ZNF804B: variants seen among roughly 807,000 people sequenced by gnomAD.
ZNF804B encodes zinc finger protein 804B.
A neutral mutation model predicts 101.4 loss-of-function variants in ZNF804B; 80 were observed. The observed-to-expected ratio is 0.79, with a 90% CI of 0.66 to 0.95. ZNF804B has a LOEUF of 0.95. Among genes scored for constraint, ZNF804B ranks in the 40% least tolerant of loss-of-function variants. The pLI is 0.00. For missense variants in ZNF804B, 1,673 were observed against 1,561.9 expected (o/e 1.07, Z -1.20); for synonymous variants, 622 against 558.8 (o/e 1.11, Z -1.59).
At position 89,145,210 on chromosome 7, in the gene ZNF804B, C is replaced by T. The variant is rs371367012; in HGVS notation, c.109-72945C>T. ...AATATAATTTTAATAAATCAAATTA[C>T]ACTTAATTATATATTTAATAGTTTA... On this transcript the variant is annotated intron_variant, in intron 1 of 3. Transcript: ENST00000333190. Among the ~76,000 whole-genome samples the T allele has an allele frequency of 4.3e-4, 66 of 151,970 alleles. No individual in the cohort carries two copies. In the East Asian group the frequency reaches 7.7e-3, roughly 18 times the overall value.
chr7:88,833,520 C>A (rs563678088), intron 1 of ZNF804B, among the ~76,000 whole-genome samples: 1 of 148,900 alleles, frequency 6.7e-6, no homozygotes, highest in Admixed American at 6.8e-5. Context: ...ACTTGGCCCT[C>A]AATAAATTTT....
At chr7:88,978,569 C>T (rs1201894784) in intron 1 of ZNF804B, among the ~76,000 whole-genome samples, 1 of 151,282 alleles carries the variant, frequency 6.6e-6, no homozygotes, top group Non-Finnish European at 1.5e-5. Flanking sequence ...ATCTTTTTCC[C>T]TCCCTTTATT....
At chr7:88,953,523 G>T (rs927151505) in intron 1 of ZNF804B, among the ~76,000 whole-genome samples, 2 of 151,812 alleles carry the variant, frequency 1.3e-5, no homozygotes, top group African/African-American at 4.8e-5. Context: ...CAACCTCCGA[G>T]CACTGTGATA....
In ZNF804B at chr7:89,180,930, C is replaced by G. The variant is rs551288195; in HGVS notation, c.109-37225C>G. ...AATGAGGCTAACTGGAACTCAGGTT[C>G]TGACAAGTGAGATGGGGAGTCACCC... On this transcript the variant is annotated intron_variant, in intron 1 of 3. Coordinates refer to ENST00000333190, the MANE Select transcript of ZNF804B (RefSeq NM_181646.5). Among the ~76,000 whole-genome samples the G allele has an allele frequency of 1.4e-3, 215 of 150,406 alleles. 2 individuals are homozygous for G. Among genetic ancestry groups the G allele is most frequent in the Non-Finnish European group, 2.2e-3 (148 of 67,740 alleles).
At chr7:89,028,021 T>C (rs1788777383) in intron 1 of ZNF804B, among the ~76,000 whole-genome samples, 1 of 152,192 alleles carries the variant, frequency 6.6e-6, no homozygotes, top group Non-Finnish European at 1.5e-5. Context: ...GCTTGTCTAA[T>C]AAAGTGCTTT....
intron 1 of ZNF804B, among the ~76,000 whole-genome samples, chr7:89,179,869 C>T (rs573734833): frequency 2.2e-4 from 34 of 152,176 alleles, no homozygotes; most frequent in Non-Finnish European, 3.8e-4. Context: ...GAGGGTGCCC[C>T]AAGCCCAGTA....
At chr7:89,006,440 ACC>A (rs1562857459) in intron 1 of ZNF804B, among the ~76,000 whole-genome samples, 1 of 152,096 alleles carries the variant, frequency 6.6e-6, no homozygotes, top group Non-Finnish European at 1.5e-5. Flanking sequence ...CATTATACAA[ACC>A]AGTCTTGAAA....
At chr7:88,903,472 TACTGGG>T (rs1792422330) in intron 1 of ZNF804B, among the ~76,000 whole-genome samples, 1 of 152,186 alleles carries the variant, frequency 6.6e-6, no homozygotes. Context: ...ATATACCCAG[TACTGGG>T]ATTGCTGTGT....
intron 1 of ZNF804B, among the ~76,000 whole-genome samples, chr7:89,198,060 GA>G (rs972207551): frequency 2.6e-5 from 4 of 151,732 alleles, no homozygotes; most frequent in African/African-American, 9.7e-5. Flanking sequence ...TGAACAATAG[GA>G]TTAGCAAACA....
chr7:88,761,142 T>C (rs987664757), intron 1 of ZNF804B, among the ~76,000 whole-genome samples: 1 of 152,136 alleles, frequency 6.6e-6, no homozygotes, highest in Middle Eastern at 3.4e-3. Flanking sequence ...TGCAACATAT[T>C]ATAAAAGCCT....
At chr7:89,066,150 G>A (rs1173110155) in intron 1 of ZNF804B, among the ~76,000 whole-genome samples, 1 of 152,122 alleles carries the variant, frequency 6.6e-6, no homozygotes, top group African/African-American at 2.4e-5. Context: ...AGCATTCAGG[G>A]TTCTAAGGAG....
chr7:89,076,303 G>A (rs1417257714), intron 1 of ZNF804B, among the ~76,000 whole-genome samples: 2 of 152,040 alleles, frequency 1.3e-5, no homozygotes, highest in African/African-American at 4.8e-5. Context: ...CCCAGTGGGC[G>A]GGTCTTTCCT....
intron 1 of ZNF804B, among the ~76,000 whole-genome samples, chr7:88,977,500 C>T (rs913702228): frequency 4.0e-5 from 6 of 151,376 alleles, no homozygotes; most frequent in Non-Finnish European, 7.4e-5. Flanking sequence ...GGAATTTATC[C>T]ATTTCTTCTA....
intron 1 of ZNF804B, among the ~76,000 whole-genome samples, chr7:88,957,242 C>G (rs1793324236): frequency 6.6e-6 from 1 of 151,462 alleles, no homozygotes; most frequent in African/African-American, 2.4e-5. Flanking sequence ...AGAACATACT[C>G]ACAGCTTGTG....
At chr7:89,034,049 C>A (rs1788884274) in intron 1 of ZNF804B, among the ~76,000 whole-genome samples, 1 of 151,986 alleles carries the variant, frequency 6.6e-6, no homozygotes, top group South Asian at 2.1e-4. Flanking sequence ...TCTCTTCCTA[C>A]ATATTCATTT....
At chr7:89,022,152 A>G (rs551474107) in intron 1 of ZNF804B, among the ~76,000 whole-genome samples, 5 of 152,236 alleles carry the variant, frequency 3.3e-5, no homozygotes, top group Admixed American at 1.3e-4. Context: ...GTCTCTCTAC[A>G]GTGCCCTCCT....
At chr7:89,033,485 G>C (rs185596805) in intron 1 of ZNF804B, among the ~76,000 whole-genome samples, 9 of 152,242 alleles carry the variant, frequency 5.9e-5, no homozygotes, top group African/African-American at 1.9e-4. Flanking sequence ...TGAAAAGTGG[G>C]AGTGCTGGAT....
chr7:89,028,229 C>G (rs1788780106), intron 1 of ZNF804B, among the ~76,000 whole-genome samples: 1 of 151,872 alleles, frequency 6.6e-6, no homozygotes, highest in Admixed American at 6.6e-5. Context: ...TAATCTTAAC[C>G]CAATATTGGC....
intron 1 of ZNF804B, among the ~76,000 whole-genome samples, chr7:89,180,217 G>A (rs548909604): frequency 9.9e-4 from 150 of 152,200 alleles, no homozygotes; most frequent in Middle Eastern, 3.4e-3. Flanking sequence ...AGCCAGCCAG[G>A]GTTGTGTCTT....
Sources: gnomAD v4.1 joint callset for allele counts (sites outside exome capture counted in the v4.1 genomes callset) on GRCh38, gnomAD v4.1.1 for gene constraint, MANE v1.5 for transcripts, NCBI Gene and HGNC (gene_info 2026-07-23, HGNC 2026-07-21) for gene names.